The following SMO variants were observed in gnomAD, a reference collection of about 807,000 sequenced individuals.
SMO encodes the protein smoothened, frizzled class receptor.
A neutral mutation model predicts 81.6 loss-of-function variants in SMO; 40 were observed. That is an observed-to-expected ratio of 0.49 (90% CI 0.38 to 0.64). The LOEUF (loss-of-function observed/expected upper bound fraction) is 0.64, where lower values mean the gene tolerates loss of function less well. Ranked by LOEUF, SMO falls within the 30% of genes least tolerant of loss-of-function variation. The pLI, the probability that SMO is intolerant of heterozygous loss-of-function variation, is 0.00. For synonymous variants in SMO, 434 were observed against 432.1 expected (o/e 1.00, Z -0.05); for missense variants, 916 against 1,061.1 (o/e 0.86, Z 1.90).
chr7:129,192,233 G>A (rs1007627866), intron 1 of SMO, among the ~76,000 whole-genome samples: 5 of 152,182 alleles, frequency 3.3e-5, no homozygotes, highest in African/African-American at 1.2e-4. Context: ...TGAAGGGATA[G>A]GAAGAGGAAA....
Position 129,206,311 on chromosome 7 carries a change from A to G in SMO, c.1082A>G (p.His361Arg). 1 of 1,613,808 alleles carries G rather than the reference A, an allele frequency of 6.2e-7. No individual in the cohort carries two copies. Among genetic ancestry groups the G allele is most frequent in the African/African-American group, 1.3e-5 (1 of 74,880 alleles). ...CTCTCGGGCAAGACCTCCTACTTCC[A>G]CCTGCTCACCTGGTCACTCCCCTTT... ...QPLSGKTSYF[H>R]LLTWSLPFVL... Residue 361 changes from histidine (H) to arginine (R), a missense_variant, in exon 5 of 12, where the codon CAC becomes CGC. Around this residue, in one of 4 missense-constraint regions of SMO, gnomAD observed 436 missense variants for 570.9 expected, o/e 0.76. Transcript: ENST00000249373. This position sits in a 1 kb window ranked among gnomAD's most constrained non-coding sequence, Gnocchi z 4.4.
chr7:129,199,972 C>A (rs755665547), intron 1 of SMO, among the ~76,000 whole-genome samples: 12 of 152,128 alleles, frequency 7.9e-5, no homozygotes, highest in Non-Finnish European at 1.8e-4. Context: ...AGGAAATTAG[C>A]TCTTGTGATA....
Position 129,206,382 on chromosome 7 carries a change from G to A in SMO, c.1140+13G>A, listed in dbSNP as rs56358283. The A allele has an allele frequency of 1.9e-3, 3,077 of 1,614,104 alleles. 50 individuals carry two copies. The African/African-American group carries it at 0.035, about 19-fold the overall frequency. On this transcript the variant is annotated intron_variant, in intron 5 of 11. Transcript: ENST00000249373. The surrounding 1 kb of genome is among the most constrained non-coding windows in gnomAD (Gnocchi z 4.4). Reference sequence around the variant, plus strand: ...TGCTGTGGCGCAGGTATAGTGACTGGTAGGAACGGGAGACCTGGATGGGGT... The same window carrying A: ...TGCTGTGGCGCAGGTATAGTGACTGATAGGAACGGGAGACCTGGATGGGGT...
At position 129,210,553 on chromosome 7, in the gene SMO, G is replaced by T; in HGVS notation, c.1652+5G>T. ...CTGGAGGCGTACCTGGTGCAGGTGG[G>T]CATGGCAGCCAGCCCCTCCTGCCCT... On this transcript the variant is annotated splice_donor_5th_base_variant and intron_variant, in intron 9 of 11. Transcript: ENST00000249373. This position sits in a 1 kb window ranked among gnomAD's most constrained non-coding sequence, Gnocchi z 4.7. 3 of 1,611,066 alleles carry T rather than the reference G, an allele frequency of 1.9e-6. No homozygotes were observed. Among genetic ancestry groups the T allele is most frequent in the Non-Finnish European group, 2.5e-6 (3 of 1,177,732 alleles).
rs2150646652 is a variant in SMO at position 129,203,467 on chromosome 7, G to A, written c.415G>A (p.Val139Met). 6.3e-7 allele frequency: 1 copy of A among 1,588,380 alleles called. No individual in the cohort carries two copies. The highest frequency in any genetic ancestry group is 1.1e-5 in the South Asian group (1 of 87,504). ...VYMPKCENDR[V>M]ELPSRTLCQA... ...CATGCCCAAGTGTGAGAATGACCGG[G>A]TGGAGCTGCCCAGCCGTACCCTCTG... The change falls in exon 2 of 12, where the codon GTG becomes ATG. Residue 139 changes from valine (V) to methionine (M), a missense_variant. Val to Met is a conservative substitution (Grantham distance 21, BLOSUM62 1). Around this residue, in one of 4 missense-constraint regions of SMO, gnomAD observed 436 missense variants for 570.9 expected, o/e 0.76. Coordinates refer to ENST00000249373, the MANE Select transcript of SMO (RefSeq NM_005631.5).
In SMO at chr7:129,189,420, C is replaced by T. The variant is rs2150638361; in HGVS notation, c.269C>T (p.Thr90Ile). 25 of 1,538,820 alleles carry T rather than the reference C, an allele frequency of 1.6e-5. No homozygotes were observed. Among genetic ancestry groups the T allele is most frequent in the Non-Finnish European group, 2.2e-5 (25 of 1,146,788 alleles). ...GTGCTGCCCTACGGGGCCACCTCCA[C>T]ACTGCTGGCCGGAGACTCGGACTCC... is the stretch of plus-strand genomic sequence containing the variant. ...GSVLPYGATS[T>I]LLAGDSDSQE... The change falls in exon 1 of 12, where the codon ACA becomes ATA. Residue 90 changes from threonine (T) to isoleucine (I), a missense_variant. By Grantham distance (89) the Thr-to-Ile change is moderately conservative (BLOSUM62 -1). This residue lies in a region of SMO where 146 missense variants were observed against 149.9 expected (regional missense o/e 0.97). Coordinates refer to ENST00000249373, the MANE Select transcript of SMO (RefSeq NM_005631.5). The surrounding 1 kb of genome is among the most constrained non-coding windows in gnomAD (Gnocchi z 4.7).
Position 129,211,498 on chromosome 7 carries a change from C to G in SMO, c.1802-138C>G. ...TCAGATTCTGAAGGGGTAGAGATCA[C>G]CGTGGTTACAGGGTGAGCTTTCTCT... is the stretch of plus-strand genomic sequence containing the variant. On this transcript the variant is annotated intron_variant, in intron 10 of 11. Coordinates refer to ENST00000249373, the MANE Select transcript of SMO (RefSeq NM_005631.5). The surrounding 1 kb of genome is among the most constrained non-coding windows in gnomAD (Gnocchi z 4.6). The G allele has an allele frequency of 1.1e-6, 1 of 942,214 alleles. No homozygotes were observed. The highest frequency in any genetic ancestry group is 1.7e-6 in the Non-Finnish European group (1 of 591,416). 58.4% of individuals were successfully genotyped at this position (942,214 alleles called of 1,614,324 possible). A position where few individuals can be genotyped will look rare whatever the true frequency, so the allele number is the denominator to read the frequency against.
Position 129,209,395 on chromosome 7 carries a change from G to A in SMO, c.1464G>A (p.Val488=), listed in dbSNP as rs1384472073. The A allele has an allele frequency of 2.6e-5, 41 of 1,604,640 alleles. No homozygotes were observed. Among genetic ancestry groups the A allele is most frequent in the Non-Finnish European group, 3.5e-5 (41 of 1,171,462 alleles). The change falls in exon 8 of 12, where the codon GTG becomes GTA. Residue 488 remains valine (V), a splice_region_variant and synonymous_variant. Coordinates refer to ENST00000249373, the MANE Select transcript of SMO (RefSeq NM_005631.5). ...GGGAGCGCAGCTTCCGGGACTATGT[G>A]CTGTGAGTGAGGGGCATGGAGGCGG... ...AEWERSFRDY[V]LCQANVTIGL...
rs765478037 is a variant in SMO at position 129,206,525 on chromosome 7, C to T, written c.1202C>T (p.Ala401Val). 53 of 1,614,002 alleles carry T rather than the reference C, an allele frequency of 3.3e-5. No individual in the cohort carries two copies. The highest frequency in any genetic ancestry group is 4.2e-5 in the Non-Finnish European group (49 of 1,180,000). Residue 401 changes from alanine to valine, a missense_variant, in exon 6 of 12, where the codon GCG becomes GTG. Physicochemically the swap from Ala to Val is moderately conservative, Grantham distance 64. Coordinates refer to ENST00000249373, the MANE Select transcript of SMO (RefSeq NM_005631.5). This position sits in a 1 kb window ranked among gnomAD's most constrained non-coding sequence, Gnocchi z 4.4. ...FVGYKNYRYR[A>V]GFVLAPIGLV... Reference sequence around the variant, plus strand: ...GGCTACAAGAACTACCGATACCGTGCGGGCTTCGTGCTGGCCCCAATCGGC... The same window carrying T: ...GGCTACAAGAACTACCGATACCGTGTGGGCTTCGTGCTGGCCCCAATCGGC...
chr7:129,206,228 G>T lies in SMO; in HGVS notation c.999G>T (p.Val333=). The T allele has an allele frequency of 6.2e-7, 1 of 1,614,116 alleles. No individual in the cohort carries two copies. The highest frequency in any genetic ancestry group is 1.1e-5 in the South Asian group (1 of 91,078). ...TGATGGCTGGTGTGGTTTGGTTTGT[G>T]GTCCTCACCTATGCCTGGCACACTT... ...YALMAGVVWF[V]VLTYAWHTSF... Residue 333 remains valine (V), a synonymous_variant, in exon 5 of 12, where the codon GTG becomes GTT. Transcript: ENST00000249373. This position sits in a 1 kb window ranked among gnomAD's most constrained non-coding sequence, Gnocchi z 4.4.
At position 129,211,205 on chromosome 7, in the gene SMO, T is replaced by C; in HGVS notation, c.1801+92T>C. ...GCCTGCTGGGGGCACACAGATTATT[T>C]GGAAGACCGACTGTGAGGAGCAAGG... On this transcript the variant is annotated intron_variant, in intron 10 of 11. Transcript: ENST00000249373. The surrounding 1 kb of genome is among the most constrained non-coding windows in gnomAD (Gnocchi z 4.6). The C allele has an allele frequency of 7.3e-7, 1 of 1,377,928 alleles. No homozygotes were observed. Among genetic ancestry groups the C allele is most frequent in the East Asian group, 2.3e-5 (1 of 43,440 alleles). 85.4% of individuals were successfully genotyped at this position (1,377,928 alleles called of 1,614,324 possible).
chr7:129,201,072 G>A (rs562034314), intron 1 of SMO, among the ~76,000 whole-genome samples: 15 of 151,696 alleles, frequency 9.9e-5, no homozygotes, highest in Admixed American at 6.6e-4. Context: ...TTCGAGACGG[G>A]GCCTTGCTCT....
Position 129,213,071 on chromosome 7 carries a change from T to C in SMO, c.*620T>C. On this transcript the variant is annotated 3_prime_UTR_variant, in exon 12 of 12. Transcript: ENST00000249373. Reference sequence around the variant, plus strand: ...CTTTTGTTCTCCTATATCCTCCTTCTTCTGTTCCATTTCAGTTCAGTTTCA... The same window carrying C: ...CTTTTGTTCTCCTATATCCTCCTTCCTCTGTTCCATTTCAGTTCAGTTTCA... 1 of 243,978 alleles carries C rather than the reference T, an allele frequency of 4.1e-6. No homozygotes were observed. Among genetic ancestry groups the C allele is most frequent in the Non-Finnish European group, 8.0e-6 (1 of 125,176 alleles). 15.1% of individuals were successfully genotyped at this position (243,978 alleles called of 1,614,324 possible).
rs761339348 is a variant in SMO at position 129,211,286 on chromosome 7, G to A, written c.1801+173G>A. On this transcript the variant is annotated intron_variant, in intron 10 of 11. Transcript: ENST00000249373. The surrounding 1 kb of genome is among the most constrained non-coding windows in gnomAD (Gnocchi z 4.6). Reference sequence around the variant, plus strand: ...TCCCCCGGCCCCTCCTACCCTCTGGGGGGCTCTCCCCTCTCTGTTTCTGCC... The same window carrying A: ...TCCCCCGGCCCCTCCTACCCTCTGGAGGGCTCTCCCCTCTCTGTTTCTGCC... 2.2e-4 allele frequency: 173 copies of A among 793,418 alleles called. 1 individual carries two copies. The Middle Eastern group carries it at 8.1e-3, about 37-fold the overall frequency. 49.1% of individuals were successfully genotyped at this position (793,418 alleles called of 1,614,324 possible).
chr7:129,211,733 G>A lies in SMO; in HGVS notation c.1899G>A (p.Leu633=). Residue 633 remains leucine (L), a synonymous_variant, in exon 11 of 12, where the codon CTG becomes CTA. Coordinates refer to ENST00000249373, the MANE Select transcript of SMO (RefSeq NM_005631.5). This position sits in a 1 kb window ranked among gnomAD's most constrained non-coding sequence, Gnocchi z 4.6. ...TKMVARRGAI[L]PQDISVTPVA... Reference sequence around the variant, plus strand: ...TGGTGGCTCGGAGAGGAGCCATACTGCCCCAGGATATTTCTGTCACCCCTG... The same window carrying A: ...TGGTGGCTCGGAGAGGAGCCATACTACCCCAGGATATTTCTGTCACCCCTG... The A allele has an allele frequency of 6.2e-7, 1 of 1,614,026 alleles. No homozygotes were observed. Among genetic ancestry groups the A allele is most frequent in the Non-Finnish European group, 8.5e-7 (1 of 1,179,998 alleles).
At chr7:129,209,253 C>T (rs915437241) in intron 7 of SMO, 36 bp from the exon 8 acceptor site, 24 of 1,279,278 alleles carry the variant, frequency 1.9e-5, no homozygotes, top group Non-Finnish European at 2.4e-5. Flanking sequence ...CGGGACTGGG[C>T]TTGGTAACGT....
rs780983736 is a variant in SMO, at chr7:129,203,490, C to T, written c.438C>T (p.Leu146=). 1.2e-6 allele frequency: 2 copies of T among 1,602,146 alleles called. No individual in the cohort carries two copies. The highest frequency in any genetic ancestry group is 1.7e-6 in the Non-Finnish European group (2 of 1,175,414). Residue 146 remains leucine (L), a synonymous_variant, in exon 2 of 12, where the codon CTC becomes CTT. Coordinates refer to ENST00000249373, the MANE Select transcript of SMO (RefSeq NM_005631.5). ...NDRVELPSRT[L]CQATRGPCAI... The stretch of plus-strand genomic sequence containing the variant: ...GGGTGGAGCTGCCCAGCCGTACCCT[C>T]TGCCAGGCCACCCGAGGCCCCTGTG...
chr7:129,204,359 G>A (rs1421736053), intron 2 of SMO, among the ~76,000 whole-genome samples: 1 of 140,570 alleles, frequency 7.1e-6, no homozygotes, highest in African/African-American at 2.6e-5. Context: ...TAAATAGGCT[G>A]GCCAGACACA....
rs531145819 is a variant in SMO, at chr7:129,209,640, A to C, written c.1466+243A>C. 1.4e-4 allele frequency: 70 copies of C among 487,072 alleles called. 1 individual carries two copies. In the South Asian group the frequency reaches 1.8e-3, roughly 13 times the overall value. The allele number at this position is 487,072 out of a possible 1,614,324, so 30.2% of individuals were successfully genotyped here. A position where few individuals can be genotyped will look rare whatever the true frequency, so the allele number is the denominator to read the frequency against. On this transcript the variant is annotated intron_variant, in intron 8 of 11. Transcript: ENST00000249373. ...ACCCCCTTGGTTGCCCAGCTGGTGCATGTGTGACTGTTAAGCAGCCAGTTC... is the reference window on the plus strand; with the variant it reads ...ACCCCCTTGGTTGCCCAGCTGGTGCCTGTGTGACTGTTAAGCAGCCAGTTC...
Sources: gnomAD v4.1 joint callset for allele counts (sites outside exome capture counted in the v4.1 genomes callset) on GRCh38, gnomAD v4.1.1 for gene constraint, gnomAD v4.1.1 regional missense constraint, Gnocchi (gnomAD v3.1) non-coding constraint, MANE v1.5 for transcripts, NCBI Gene and HGNC (gene_info 2026-07-23, HGNC 2026-07-21) for gene names.